Variants in CSNK1G1 observed in about 807,000 individuals in gnomAD.
CSNK1G1 encodes the protein casein kinase I isoform gamma-1.
CSNK1G1 carries 22 observed loss-of-function variants against 59.6 expected under a neutral mutation model. The observed-to-expected ratio is 0.37, with a 90% CI of 0.26 to 0.53. CSNK1G1 has a LOEUF of 0.53. CSNK1G1 is among the 20% of genes least tolerant of loss of function. The pLI, the probability that CSNK1G1 is intolerant of heterozygous loss-of-function variation, is 0.89. For missense variants in CSNK1G1, 384 were observed against 519.5 expected, an observed-to-expected ratio of 0.74 and a Z score of 2.54; for synonymous variants, 179 against 177.1, an observed-to-expected ratio of 1.01 and a Z score of -0.08.
chr15:64,259,346 T>A, intron 2 of CSNK1G1, 105 bp from the exon 3 acceptor site: 1 of 709,118 alleles, frequency 1.4e-6, no homozygotes, highest in Non-Finnish European at 2.3e-6. Flanking sequence ...TTCCCAATGC[T>A]GTTCACATAA....
At chr15:64,249,313 G>A (rs1891944200) in intron 4 of CSNK1G1, among the ~76,000 whole-genome samples, 1 of 152,126 alleles carries the variant, frequency 6.6e-6, no homozygotes, top group African/African-American at 2.4e-5. Context: ...GCGGGTAGGG[G>A]TAGCAAGGGG....
intron 3 of CSNK1G1, among the ~76,000 whole-genome samples, chr15:64,256,745 T>C (rs1892396157): frequency 1.3e-5 from 2 of 152,128 alleles, no homozygotes; most frequent in Non-Finnish European, 2.9e-5. Context: ...TTTTAAAGGT[T>C]TTTAGAAATC....
intron 10 of CSNK1G1, chr15:64,194,030 G>A (rs1334533072): frequency 6.6e-6 from 1 of 152,428 alleles, no homozygotes; most frequent in Non-Finnish European, 1.5e-5. Flanking sequence ...AGACGCTAAG[G>A]AATCTATTTT....
At chr15:64,252,581 C>T (rs892188888) in intron 3 of CSNK1G1, among the ~76,000 whole-genome samples, 1 of 151,994 alleles carries the variant, frequency 6.6e-6, no homozygotes, top group Non-Finnish European at 1.5e-5. Context: ...GTATACACAC[C>T]CTCCCCATAA....
intron 9 of CSNK1G1, 53 bp from the exon 10 acceptor site, chr15:64,203,242 A>C: frequency 9.2e-7 from 1 of 1,082,228 alleles, no homozygotes; most frequent in Non-Finnish European, 1.4e-6. Context: ...AACTTGATGC[A>C]TATGCAAAGG....
intron 1 of CSNK1G1, among the ~76,000 whole-genome samples, chr15:64,313,354 T>C (rs554216504): frequency 6.6e-6 from 1 of 152,124 alleles, no homozygotes; most frequent in Admixed American, 6.5e-5. Flanking sequence ...CCAACCCCAA[T>C]GTCCATCAAT....
At chr15:64,333,479 A>G (rs998560661) in intron 1 of CSNK1G1, among the ~76,000 whole-genome samples, 1 of 149,604 alleles carries the variant, frequency 6.7e-6, no homozygotes, top group Non-Finnish European at 1.5e-5. Flanking sequence ...GTACCAGAAT[A>G]GAAGCTCCTG....
chr15:64,310,960 G>A (rs62022679), intron 1 of CSNK1G1, among the ~76,000 whole-genome samples: 4 of 143,508 alleles, frequency 2.8e-5, no homozygotes, highest in Non-Finnish European at 6.0e-5. Context: ...AGCAGAGATC[G>A]CACCACTGCA....
intron 3 of CSNK1G1, among the ~76,000 whole-genome samples, chr15:64,253,747 T>C (rs192859626): frequency 9.8e-5 from 15 of 152,300 alleles, no homozygotes; most frequent in African/African-American, 3.6e-4. Context: ...AAAAAGGAAA[T>C]TCTGACACAT....
intron 1 of CSNK1G1, among the ~76,000 whole-genome samples, chr15:64,341,610 C>T (rs1897684035): frequency 6.6e-6 from 1 of 152,124 alleles, no homozygotes; most frequent in Admixed American, 6.5e-5. Flanking sequence ...GTAGCTGAGA[C>T]TACCAGCTCG....
chr15:64,234,344 C>G (rs1005920927), intron 4 of CSNK1G1, among the ~76,000 whole-genome samples: 3 of 151,998 alleles, frequency 2.0e-5, no homozygotes, highest in African/African-American at 4.8e-5. Context: ...TTACTTATTT[C>G]AAATAGGCCA....
At chr15:64,264,592 T>A (rs189985586) in intron 2 of CSNK1G1, among the ~76,000 whole-genome samples, 8 of 152,230 alleles carry the variant, frequency 5.3e-5, no homozygotes, top group African/African-American at 1.9e-4. Context: ...CAGGCCAATA[T>A]CCCTGATGAA....
At position 64,203,155 on chromosome 15, in the gene CSNK1G1, C is replaced by A. The variant is rs766682369; in HGVS notation, c.1034G>T (p.Gly345Val). The A allele has an allele frequency of 1.9e-6, 3 of 1,613,754 alleles. No homozygotes were observed. The highest frequency in any genetic ancestry group is 1.3e-5 in the African/African-American group (1 of 74,868). ...TPVGSVHVDS[G>V]ASAITRESHT... is the part of the protein sequence containing the mutation. The stretch of plus-strand genomic sequence containing the variant: ...GCTTTCTCGAGTTATTGCAGATGCA[C>A]CAGAATCTACGTGAACTGACCCTAC... The change falls in exon 10 of 12, where the codon GGT becomes GTT. Residue 345 changes from glycine (G) to valine (V), a missense_variant. By Grantham distance (109) the Gly-to-Val change is moderately radical. Coordinates refer to ENST00000303052, the MANE Select transcript of CSNK1G1 (RefSeq NM_022048.5).
intron 1 of CSNK1G1, among the ~76,000 whole-genome samples, chr15:64,315,960 A>G (rs1243298070): frequency 6.6e-6 from 1 of 152,216 alleles, no homozygotes; most frequent in Non-Finnish European, 1.5e-5. Context: ...AAACAGCTTT[A>G]TTAAATATAA....
chr15:64,174,291 T>C (rs533364035), intron 11 of CSNK1G1, among the ~76,000 whole-genome samples: 2 of 152,300 alleles, frequency 1.3e-5, no homozygotes, highest in South Asian at 4.1e-4. Flanking sequence ...TAAAAGGAAG[T>C]GTGAGTTATG....
rs201782125 is a variant in CSNK1G1 at position 64,204,856 on chromosome 15, G to C, written c.850+9C>G. ...TCAGTCACACTGGAATGTCTTTTTAGCATCCCACCTGGAAAGTTCTCACAG... is the reference window on the plus strand; with the variant it reads ...TCAGTCACACTGGAATGTCTTTTTACCATCCCACCTGGAAAGTTCTCACAG... On this transcript the variant is annotated intron_variant, in intron 8 of 11. Coordinates refer to ENST00000303052, the MANE Select transcript of CSNK1G1 (RefSeq NM_022048.5). 109 of 1,583,118 alleles carry C rather than the reference G, an allele frequency of 6.9e-5. No individual in the cohort carries two copies. The highest frequency in any genetic ancestry group is 9.4e-5 in the Non-Finnish European group (108 of 1,152,094).
intron 1 of CSNK1G1, among the ~76,000 whole-genome samples, chr15:64,351,375 A>G (rs938998911): frequency 2.0e-5 from 3 of 152,206 alleles, no homozygotes; most frequent in African/African-American, 4.8e-5. Flanking sequence ...GAGGTCATCC[A>G]AGAGATAGAT....
At chr15:64,199,375 C>T (rs1340242660) in intron 10 of CSNK1G1, among the ~76,000 whole-genome samples, 1 of 151,588 alleles carries the variant, frequency 6.6e-6, no homozygotes, top group African/African-American at 2.4e-5. Flanking sequence ...TGAGATTTTC[C>T]TAAATAATTA....
chr15:64,231,357 T>A (rs1384023265), intron 4 of CSNK1G1, among the ~76,000 whole-genome samples: 1 of 147,506 alleles, frequency 6.8e-6, no homozygotes, highest in Non-Finnish European at 1.5e-5. Flanking sequence ...TATATTTATA[T>A]TTTATATTTA....
Sources: allele counts gnomAD v4.1 joint callset (sites outside exome capture counted in the v4.1 genomes callset), GRCh38; gene constraint gnomAD v4.1.1; transcripts MANE v1.5; gene names NCBI Gene and HGNC (gene_info 2026-07-23, HGNC 2026-07-21).